The following GLIS3 variants were observed in gnomAD, a reference collection of about 807,000 sequenced individuals.
The protein encoded by GLIS3 is GLIS family zinc finger 3, also known as zinc finger protein GLIS3.
A neutral mutation model predicts 78.6 loss-of-function variants in GLIS3; 53 were observed. The observed-to-expected ratio is 0.67, with a 90% CI of 0.54 to 0.85. GLIS3 has a LOEUF of 0.85. GLIS3 is among the 40% of genes least tolerant of loss of function. The pLI is 0.00. For missense variants in GLIS3, 1,703 were observed against 1,231.1 expected (o/e 1.38, Z -5.74); for synonymous variants, 684 against 509.9 (o/e 1.34, Z -4.60).
At chr9:4,295,327 C>G (rs1411490510) in intron 1 of GLIS3, among the ~76,000 whole-genome samples, 1 of 152,210 alleles carries the variant, frequency 6.6e-6, no homozygotes, top group Non-Finnish European at 1.5e-5. Flanking sequence ...TCTGTTTGGT[C>G]TCCCTAACCA....
chr9:3,829,664 AAGCTCTTC>A (rs1817935252), intron 9 of GLIS3, among the ~76,000 whole-genome samples, 172 bp from the exon 10 acceptor site: 1 of 152,190 alleles, frequency 6.6e-6, no homozygotes, highest in Non-Finnish European at 1.5e-5. Flanking sequence ...TGTTGGGCTG[AAGCTCTTC>A]TACCTTAGAG....
chr9:4,067,049 G>A (rs1242693269), intron 4 of GLIS3, among the ~76,000 whole-genome samples: 1 of 152,138 alleles, frequency 6.6e-6, no homozygotes, highest in Non-Finnish European at 1.5e-5. Flanking sequence ...GTTTGGACAG[G>A]AAGTTATCCT....
intron 2 of GLIS3, among the ~76,000 whole-genome samples, chr9:4,235,852 G>C (rs1822682655): frequency 6.6e-6 from 1 of 152,080 alleles, no homozygotes; most frequent in Non-Finnish European, 1.5e-5. Flanking sequence ...AGAAACACAG[G>C]ACTGAGTCAA....
chr9:4,478,159 G>A, the GLIS3 span, among the ~76,000 whole-genome samples: 1 of 152,130 alleles, frequency 6.6e-6, no homozygotes, highest in Non-Finnish European at 1.5e-5. Context: ...ATTGAAACAA[G>A]TGGTTGTTTA....
upstream of GLIS3, among the ~76,000 whole-genome samples, chr9:4,302,690 G>A (rs915942895): frequency 1.3e-5 from 2 of 152,168 alleles, no homozygotes; most frequent in South Asian, 2.1e-4. Context: ...CAGTTTAGAA[G>A]CCCCAAGTTC....
At chr9:4,100,842 C>A (rs914045589) in intron 4 of GLIS3, among the ~76,000 whole-genome samples, 2 of 152,084 alleles carry the variant, frequency 1.3e-5, no homozygotes, top group African/African-American at 4.8e-5. Flanking sequence ...AGAAACTGCC[C>A]CCATAGATGG....
intron 2 of GLIS3, among the ~76,000 whole-genome samples, chr9:4,220,836 T>C (rs1821269455): frequency 6.6e-6 from 1 of 151,998 alleles, no homozygotes; most frequent in Admixed American, 6.5e-5. Context: ...GTGTCTCAAA[T>C]TAACCAGGCA....
chr9:4,417,904 A>G, the GLIS3 span, among the ~76,000 whole-genome samples: 2 of 152,152 alleles, frequency 1.3e-5, no homozygotes, highest in Non-Finnish European at 2.9e-5. Flanking sequence ...GGATTGGTAT[A>G]TCTGTCAATA....
At chr9:3,842,090 T>A (rs796729831) in intron 9 of GLIS3, among the ~76,000 whole-genome samples, 1 of 152,224 alleles carries the variant, frequency 6.6e-6, no homozygotes. Context: ...AGAGATTTCA[T>A]GGATTACTAA....
intron 2 of GLIS3, among the ~76,000 whole-genome samples, chr9:4,244,689 C>G (rs1448866168): frequency 6.6e-6 from 1 of 152,116 alleles, no homozygotes; most frequent in Non-Finnish European, 1.5e-5. Flanking sequence ...ATTCTCCTGC[C>G]TCAACCTCCT....
intron 1 of GLIS3, among the ~76,000 whole-genome samples, chr9:4,289,367 A>G (rs1367716224): frequency 1.3e-5 from 2 of 151,650 alleles, no homozygotes; most frequent in Admixed American, 1.4e-4. Context: ...GTAGACATGG[A>G]AGCAAAAAAT....
upstream of GLIS3, among the ~76,000 whole-genome samples, chr9:4,301,714 C>T (rs1817081360): frequency 6.6e-6 from 1 of 152,088 alleles, no homozygotes; most frequent in Non-Finnish European, 1.5e-5. Flanking sequence ...GAATGGTATC[C>T]TAGGGGCTTG....
At chr9:3,965,306 G>A (rs1817861859) in intron 4 of GLIS3, among the ~76,000 whole-genome samples, 1 of 144,868 alleles carries the variant, frequency 6.9e-6, no homozygotes, top group Admixed American at 7.3e-5. Flanking sequence ...CGATTCTCCT[G>A]CCTCAGCCTC....
At chr9:4,480,283 C>A in the GLIS3 span, among the ~76,000 whole-genome samples, 1 of 148,008 alleles carries the variant, frequency 6.8e-6, no homozygotes, top group South Asian at 2.1e-4. Context: ...CAGCTCACTG[C>A]AGTCTAGACT....
At chr9:3,907,941 C>A (rs562261684) in intron 6 of GLIS3, among the ~76,000 whole-genome samples, 1 of 152,304 alleles carries the variant, frequency 6.6e-6, no homozygotes, top group East Asian at 1.9e-4. Flanking sequence ...AAAAGATGCT[C>A]TGATGAGATT....
intron 2 of GLIS3, among the ~76,000 whole-genome samples, chr9:4,270,893 GTGTGTGTGTGTGTGTGT>G (rs1390167172): frequency 3.8e-3 from 1 of 260 alleles, no homozygotes; most frequent in African/African-American, 0.014. Flanking sequence ...TGTGTGGTGT[GTGTGTGTGTGTGTGTGT>G]GTGTGTGTGT....
At chr9:3,829,533 C>T (rs1817926735) in intron 9 of GLIS3, 41 bp from the exon 10 acceptor site, 1 of 1,605,972 alleles carries the variant, frequency 6.2e-7, no homozygotes, top group Non-Finnish European at 8.5e-7. Flanking sequence ...TTCCTTTGGG[C>T]ACAAGTTCCA....
chr9:3,916,243 G>T (rs936034130), intron 6 of GLIS3, among the ~76,000 whole-genome samples: 1 of 152,064 alleles, frequency 6.6e-6, no homozygotes, highest in Non-Finnish European at 1.5e-5. Flanking sequence ...TGTGAAATAC[G>T]GGCGACTTAA....
chr9:3,977,920 G>C lies in GLIS3; in HGVS notation c.1711-40731C>G, dbSNP rs1818921562. 6.6e-6 allele frequency among the ~76,000 whole-genome samples: 1 copy of C among 152,194 alleles called. No individual in the cohort carries two copies. The highest frequency in any genetic ancestry group is 1.5e-5 in the Non-Finnish European group (1 of 68,042). On this transcript the variant is annotated intron_variant, in intron 4 of 10. Transcript: ENST00000381971. This position sits in a 1 kb window ranked among gnomAD's most constrained non-coding sequence, Gnocchi z 4.1. ...TGAAATGCTGCTAACTTTTATTTGT[G>C]AGTGTGAAATGGTAATATTTCATGA...
Sources: gnomAD v4.1 joint callset for allele counts (sites outside exome capture counted in the v4.1 genomes callset) on GRCh38, gnomAD v4.1.1 for gene constraint, Gnocchi (gnomAD v3.1) non-coding constraint, MANE v1.5 for transcripts, NCBI Gene and HGNC (gene_info 2026-07-23, HGNC 2026-07-21) for gene names.